CNTNAP5: variants seen among roughly 807,000 people sequenced by gnomAD.
CNTNAP5 encodes contactin associated protein family member 5, also known as contactin-associated protein-like 5.
Under a neutral mutation model 150.2 loss-of-function variants are expected in CNTNAP5, and 72 were observed. The ratio of observed to expected loss-of-function variants is 0.48; its 90% CI spans 0.40 to 0.58. The LOEUF (loss-of-function observed/expected upper bound fraction) is 0.58, where lower values mean the gene tolerates loss of function less well. Among genes scored for constraint, CNTNAP5 ranks in the 20% least tolerant of loss-of-function variants. The pLI is 0.00. For missense variants in CNTNAP5, 1,636 were observed against 1,626.2 expected, an observed-to-expected ratio of 1.01 and a Z score of -0.10; for synonymous variants, 672 against 619.8, an observed-to-expected ratio of 1.08 and a Z score of -1.25.
chr2:124,358,747 A>T (rs1184750712), intron 3 of CNTNAP5, among the ~76,000 whole-genome samples: 6 of 152,100 alleles, frequency 3.9e-5, no homozygotes, highest in Non-Finnish European at 7.3e-5. Context: ...TTCATCAAGT[A>T]TATTGGTCTA....
intron 16 of CNTNAP5, among the ~76,000 whole-genome samples, chr2:124,765,052 T>A (rs1043544508): frequency 6.6e-6 from 1 of 152,130 alleles, no homozygotes; most frequent in African/African-American, 2.4e-5. Flanking sequence ...ATACTTTCTA[T>A]TAATTTTAGT....
intron 1 of CNTNAP5, among the ~76,000 whole-genome samples, chr2:124,115,393 G>C (rs1159135002): frequency 1.3e-5 from 2 of 152,020 alleles, no homozygotes; most frequent in African/African-American, 4.8e-5. Context: ...ATAAATATTT[G>C]GGGCATAAAG....
At chr2:124,809,688 C>T (rs1419041690) in intron 19 of CNTNAP5, among the ~76,000 whole-genome samples, 2 of 151,814 alleles carry the variant, frequency 1.3e-5, no homozygotes, top group African/African-American at 4.8e-5. Context: ...GAGAAATCTC[C>T]TAGCAAGTTG....
intron 12 of CNTNAP5, among the ~76,000 whole-genome samples, chr2:124,612,039 G>A (rs1677395468): frequency 6.6e-6 from 1 of 152,298 alleles, no homozygotes; most frequent in East Asian, 1.9e-4. Context: ...TTCTGGTTCA[G>A]TAATAATTCA....
chr2:124,283,409 G>T (rs1456175565), intron 3 of CNTNAP5, among the ~76,000 whole-genome samples: 1 of 152,194 alleles, frequency 6.6e-6, no homozygotes, highest in Non-Finnish European at 1.5e-5. Context: ...CCTAGCATCT[G>T]CTGCAGCACT....
intron 14 of CNTNAP5, among the ~76,000 whole-genome samples, chr2:124,759,971 T>C (rs540232819): frequency 7.3e-6 from 1 of 136,844 alleles, no homozygotes; most frequent in South Asian, 2.4e-4. Flanking sequence ...TTTTTAAATC[T>C]GGAAGCCTTG....
chr2:124,682,927 G>T (rs1328646395), intron 13 of CNTNAP5, among the ~76,000 whole-genome samples: 3 of 152,148 alleles, frequency 2.0e-5, no homozygotes, highest in African/African-American at 7.2e-5. Context: ...TAATTACTCT[G>T]CAAATATTTA....
intron 11 of CNTNAP5, among the ~76,000 whole-genome samples, chr2:124,602,299 G>A (rs192064749): frequency 1.6e-3 from 207 of 133,434 alleles, no homozygotes; most frequent in Middle Eastern, 0.011. Context: ...CCAAGATCAT[G>A]CCACTGCACT....
chr2:124,065,253 A>T (rs57091089), intron 1 of CNTNAP5, among the ~76,000 whole-genome samples: 1 of 152,140 alleles, frequency 6.6e-6, no homozygotes, highest in Non-Finnish European at 1.5e-5. Flanking sequence ...AGTTGAACAA[A>T]TAAATGGCCA....
intron 2 of CNTNAP5, among the ~76,000 whole-genome samples, chr2:124,241,393 C>T (rs1048643950): frequency 4.6e-5 from 7 of 152,042 alleles, no homozygotes; most frequent in Admixed American, 3.3e-4. Flanking sequence ...ATGTTGTTCC[C>T]TCTTCCCTGG....
chr2:124,772,120 C>A (rs1033612456), intron 16 of CNTNAP5, among the ~76,000 whole-genome samples: 1 of 152,132 alleles, frequency 6.6e-6, no homozygotes, highest in African/African-American at 2.4e-5. Flanking sequence ...ACCACCACCA[C>A]CATCACTGCT....
intron 2 of CNTNAP5, among the ~76,000 whole-genome samples, chr2:124,222,095 A>G (rs1407703311): frequency 6.6e-6 from 1 of 152,140 alleles, no homozygotes; most frequent in African/African-American, 2.4e-5. Context: ...TTATTTTTAT[A>G]TTTCCATAGC....
At position 124,702,346 on chromosome 2, in the gene CNTNAP5, C is replaced by CTTTTTTTTTTT. The variant is rs71412792; in HGVS notation, c.2078-44843_2078-44833dup. 3.3e-4 allele frequency among the ~76,000 whole-genome samples: 17 copies of CTTTTTTTTTTT among 52,250 alleles called. 4 individuals are homozygous for CTTTTTTTTTTT. The highest frequency in any genetic ancestry group is 6.9e-4 in the Admixed American group (2 of 2,912). 34.3% of individuals were successfully genotyped at this position (52,250 alleles called of 152,430 possible). On this transcript the variant is annotated intron_variant, in intron 13 of 23. Coordinates refer to ENST00000682447, the MANE Select transcript of CNTNAP5 (RefSeq NM_001367498.1). ...ATGTCCTTCTGTGAAACTATGAACACTTTTTTTTTTTTTTTTTTTTTTTTT... is the reference window on the plus strand; with the variant it reads ...ATGTCCTTCTGTGAAACTATGAACACTTTTTTTTTTTTTTTTTTTTTTTTTTTTTTTTTTTT...
chr2:124,822,142 C>A (rs1038242257), intron 19 of CNTNAP5, among the ~76,000 whole-genome samples: 6 of 152,102 alleles, frequency 3.9e-5, no homozygotes, highest in Non-Finnish European at 7.4e-5. Context: ...CTGAATGATC[C>A]TTGGTTCTGT....
rs924857508 is a variant in CNTNAP5 at position 124,711,700 on chromosome 2, G to A, written c.2078-35529G>A. 2.6e-5 allele frequency among the ~76,000 whole-genome samples: 4 copies of A among 152,036 alleles called. No homozygotes were observed. In the East Asian group the frequency reaches 7.7e-4, roughly 29 times the overall value. ...AACAAACAAACAAAAAATTAGCCAGGCAGGGTGGCACGTGCCTGTAGTCCC... is the reference window on the plus strand; with the variant it reads ...AACAAACAAACAAAAAATTAGCCAGACAGGGTGGCACGTGCCTGTAGTCCC... On this transcript the variant is annotated intron_variant, in intron 13 of 23. Coordinates refer to ENST00000682447, the MANE Select transcript of CNTNAP5 (RefSeq NM_001367498.1).
chr2:124,906,325 A>G (rs1400547615), intron 22 of CNTNAP5, among the ~76,000 whole-genome samples: 1 of 152,132 alleles, frequency 6.6e-6, no homozygotes, highest in East Asian at 1.9e-4. Context: ...GGTATGAAAT[A>G]TGGGTTTTGC....
At chr2:124,861,817 T>C (rs1465651697) in intron 19 of CNTNAP5, among the ~76,000 whole-genome samples, 1 of 152,006 alleles carries the variant, frequency 6.6e-6, no homozygotes, top group Non-Finnish European at 1.5e-5. Context: ...TTTTATTCTA[T>C]TATTATTAGT....
intron 1 of CNTNAP5, among the ~76,000 whole-genome samples, chr2:124,101,366 C>T (rs146064904): frequency 0.015 from 2,232 of 152,160 alleles, 18 homozygotes; most frequent in Non-Finnish European, 0.02. Context: ...TTTCAGATCC[C>T]ACGCTCATTA....
intron 1 of CNTNAP5, among the ~76,000 whole-genome samples, chr2:124,028,314 T>TTG (rs10678984): frequency 0.98 from 147,644 of 150,846 alleles, 72,258 homozygotes; most frequent in South Asian, 1. Context: ...TGTGTGTGTT[T>TTG]TGTGTGTGTG....
Sources: allele counts gnomAD v4.1 joint callset (sites outside exome capture counted in the v4.1 genomes callset), GRCh38; gene constraint gnomAD v4.1.1; transcripts MANE v1.5; gene names NCBI Gene and HGNC (gene_info 2026-07-23, HGNC 2026-07-21).